The following AFAP1L1 variants were observed in gnomAD, a reference collection of about 807,000 sequenced individuals.
The protein encoded by AFAP1L1 is actin filament-associated protein 1-like 1.
In AFAP1L1, 77 loss-of-function variants were observed where a neutral mutation model predicts 99.8. The observed-to-expected ratio is 0.77, with a 90% CI of 0.64 to 0.93. The LOEUF (loss-of-function observed/expected upper bound fraction) is 0.93. Ranked by LOEUF, AFAP1L1 falls within the 40% of genes least tolerant of loss-of-function variation. The probability of loss-of-function intolerance (pLI) is 0.00; values close to 1 mark genes in which losing one functional copy is unlikely to be tolerated. For missense variants in AFAP1L1, 893 were observed against 996.8 expected (o/e 0.90, Z 1.40); for synonymous variants, 373 against 395.3 (o/e 0.94, Z 0.67).
chr5:149,320,656 G>A lies in AFAP1L1; in HGVS notation c.1698+193G>A, dbSNP rs1756924933. Among the ~76,000 whole-genome samples, 1 of 152,232 alleles carries A rather than the reference G, an allele frequency of 6.6e-6. No individual in the cohort carries two copies. Among genetic ancestry groups the A allele is most frequent in the Admixed American group, 6.5e-5 (1 of 15,290 alleles). On this transcript the variant is annotated intron_variant, in intron 14 of 18. Coordinates refer to ENST00000296721, the MANE Select transcript of AFAP1L1 (RefSeq NM_152406.4). This position sits in a 1 kb window ranked among gnomAD's most constrained non-coding sequence, Gnocchi z 4.0. ...CTGGCACAGGAGGCTGGGTGGTGTGGTGGAAAGAGACCCAGGTTGGGAGGA... is the reference window on the plus strand; with the variant it reads ...CTGGCACAGGAGGCTGGGTGGTGTGATGGAAAGAGACCCAGGTTGGGAGGA...
In AFAP1L1 at chr5:149,320,674, T is replaced by C. The variant is rs996525743; in HGVS notation, c.1698+211T>C. Among the ~76,000 whole-genome samples, 3 of 152,174 alleles carry C rather than the reference T, an allele frequency of 2.0e-5. No homozygotes were observed. Among genetic ancestry groups the C allele is most frequent in the Non-Finnish European group, 4.4e-5 (3 of 68,038 alleles). ...TGGTGTGGTGGAAAGAGACCCAGGT[T>C]GGGAGGAAGAAAGGGCTGTGCAGAC... On this transcript the variant is annotated intron_variant, in intron 14 of 18. Transcript: ENST00000296721. This position sits in a 1 kb window ranked among gnomAD's most constrained non-coding sequence, Gnocchi z 4.0.
intron 15 of AFAP1L1, among the ~76,000 whole-genome samples, chr5:149,324,158 A>G (rs1233339745): frequency 6.6e-6 from 1 of 152,182 alleles, no homozygotes; most frequent in East Asian, 1.9e-4. Context: ...ACTGAAGAAA[A>G]TAAAAGGGAA....
intron 1 of AFAP1L1, among the ~76,000 whole-genome samples, chr5:149,288,207 T>C (rs1228181242): frequency 6.6e-6 from 1 of 152,180 alleles, no homozygotes; most frequent in Admixed American, 6.5e-5. Context: ...GAGACACCTA[T>C]GAAAAGAAGG....
At chr5:149,304,788 A>G in intron 5 of AFAP1L1, among the ~76,000 whole-genome samples, 1 of 152,206 alleles carries the variant, frequency 6.6e-6, no homozygotes, top group Non-Finnish European at 1.5e-5. Context: ...CCTGCTGGAA[A>G]GGCGGGCTCC....
intron 12 of AFAP1L1, 80 bp from the exon 13 acceptor site, chr5:149,319,502 T>C (rs1756891640): frequency 2.0e-6 from 3 of 1,490,728 alleles, no homozygotes; most frequent in Admixed American, 2.1e-5. Context: ...CAAATATTTC[T>C]GGGTTTGGCT....
At chr5:149,300,871 C>T (rs979838087) in intron 3 of AFAP1L1, among the ~76,000 whole-genome samples, 1 of 152,190 alleles carries the variant, frequency 6.6e-6, no homozygotes, top group Non-Finnish European at 1.5e-5. Flanking sequence ...ATAGCATAAC[C>T]CTCAAAGATT....
chr5:149,300,459 T>A, intron 3 of AFAP1L1, 105 bp downstream of exon 3: 1 of 978,856 alleles, frequency 1.0e-6, no homozygotes, highest in Non-Finnish European at 1.5e-6. Flanking sequence ...ATCGCATCAT[T>A]AAGTCGCTTT....
intron 8 of AFAP1L1, among the ~76,000 whole-genome samples, chr5:149,310,420 G>A (rs1756589928): frequency 6.6e-6 from 1 of 152,182 alleles, no homozygotes; most frequent in African/African-American, 2.4e-5. Context: ...TGGAACTGGA[G>A]GCTTAGTATG....
rs752012930 is a variant in AFAP1L1 at position 149,299,524 on chromosome 5, T to A, written c.32T>A (p.Leu11His). The A allele has an allele frequency of 6.2e-7, 1 of 1,613,968 alleles. No individual in the cohort carries two copies. Among genetic ancestry groups the A allele is most frequent in the South Asian group, 1.1e-5 (1 of 91,056 alleles). The change falls in exon 2 of 19, where the codon CTC (leucine) becomes CAC (histidine). Residue 11 changes from leucine (L) to histidine (H), a missense_variant. By Grantham distance (99) the Leu-to-His change is moderately conservative (BLOSUM62 -3). Coordinates refer to ENST00000296721, the MANE Select transcript of AFAP1L1 (RefSeq NM_152406.4). ...TCCTCCGCAGTGCTGGAGCAGCTGC[T>A]CCCAGAGCTCACCGGGCTGCTCAGC... MDRGQVLEQL[L>H]PELTGLLSLL...
chr5:149,333,388 C>G (rs1300147218), intron 17 of AFAP1L1, among the ~76,000 whole-genome samples: 1 of 152,326 alleles, frequency 6.6e-6, no homozygotes, highest in East Asian at 1.9e-4. Flanking sequence ...AGCCCTGCTC[C>G]AGAGCCCTCC....
rs368343566 is a variant in AFAP1L1, at chr5:149,299,491, G to A, written c.17-18G>A. The A allele has an allele frequency of 1.7e-4, 276 of 1,613,582 alleles. No individual in the cohort carries two copies. Among genetic ancestry groups the A allele is most frequent in the African/African-American group, 6.4e-4 (48 of 75,022 alleles). ...TGACTGTGCAGCTGTGACTGTGCCC[G>A]TCTGCCTTCCTCCGCAGTGCTGGAG... On this transcript the variant is annotated intron_variant, in intron 1 of 18. Coordinates refer to ENST00000296721, the MANE Select transcript of AFAP1L1 (RefSeq NM_152406.4).
intron 6 of AFAP1L1, 79 bp from the exon 7 acceptor site, chr5:149,307,323 G>A (rs539509402): frequency 6.8e-7 from 1 of 1,466,858 alleles, no homozygotes; most frequent in African/African-American, 1.4e-5. Flanking sequence ...AGTCCCCAGT[G>A]CAGGGATCGC....
At chr5:149,291,277 C>T (rs892472838) in intron 1 of AFAP1L1, among the ~76,000 whole-genome samples, 3 of 151,878 alleles carry the variant, frequency 2.0e-5, no homozygotes, top group African/African-American at 7.3e-5. Flanking sequence ...GCCTGTAATC[C>T]CAACACTTTG....
chr5:149,316,714 A>G (rs1349344797), intron 11 of AFAP1L1, among the ~76,000 whole-genome samples: 1 of 152,258 alleles, frequency 6.6e-6, no homozygotes, highest in Non-Finnish European at 1.5e-5. Flanking sequence ...GGTACTTTTT[A>G]TTAAAAATGC....
chr5:149,287,075 G>GCA (rs1181256078), intron 1 of AFAP1L1, among the ~76,000 whole-genome samples: 2 of 152,272 alleles, frequency 1.3e-5, no homozygotes, highest in South Asian at 4.1e-4. Flanking sequence ...TGAGGTAAAG[G>GCA]CACTGAGTGT....
intron 1 of AFAP1L1, among the ~76,000 whole-genome samples, chr5:149,282,525 AG>A (rs950762702): frequency 6.6e-6 from 1 of 152,308 alleles, no homozygotes; most frequent in Non-Finnish European, 1.5e-5. Context: ...ATTAGAGTGC[AG>A]GGACCAGCAG....
intron 1 of AFAP1L1, among the ~76,000 whole-genome samples, chr5:149,287,622 C>T (rs993247986): frequency 2.6e-5 from 4 of 152,064 alleles, no homozygotes; most frequent in African/African-American, 9.7e-5. Flanking sequence ...CTCACACTGT[C>T]GCCCAGGCTG....
Position 149,318,816 on chromosome 5 carries a change from G to A in AFAP1L1, c.1480-766G>A, listed in dbSNP as rs1437903739. Among the ~76,000 whole-genome samples, 3 of 152,204 alleles carry A rather than the reference G, an allele frequency of 2.0e-5. No homozygotes were observed. In the East Asian group the frequency reaches 5.8e-4, roughly 29 times the overall value. On this transcript the variant is annotated intron_variant, in intron 12 of 18. Coordinates refer to ENST00000296721, the MANE Select transcript of AFAP1L1 (RefSeq NM_152406.4). ...AGATAAGGAAACTGAGGCCAGGGCA[G>A]CCACATGCTTTATCCAGGGGTCCAC...
rs1243749633 is a variant in AFAP1L1, at chr5:149,306,453, C to G, written c.535+49C>G. 6.6e-6 allele frequency: 10 copies of G among 1,520,056 alleles called. No homozygotes were observed. In the African/African-American group the frequency reaches 1.4e-4, roughly 21 times the overall value. 94.2% of individuals were successfully genotyped at this position (1,520,056 alleles called of 1,614,324 possible). A position where few individuals can be genotyped will look rare whatever the true frequency, so the allele number is the denominator to read the frequency against. The stretch of plus-strand genomic sequence containing the variant: ...ATGCTGGGCAGGGCTTCTGCCCTTG[C>G]AAAGAGCAGGCCTTGTCCTGGCCCT... On this transcript the variant is annotated intron_variant, in intron 6 of 18. Transcript: ENST00000296721.
Sources: allele counts gnomAD v4.1 joint callset (sites outside exome capture counted in the v4.1 genomes callset), GRCh38; gene constraint gnomAD v4.1.1; non-coding constraint Gnocchi (gnomAD v3.1); transcripts MANE v1.5; gene names NCBI Gene and HGNC (gene_info 2026-07-23, HGNC 2026-07-21).